The following TAB2 variants were observed in gnomAD, a reference collection of about 807,000 sequenced individuals.
The protein encoded by TAB2 is TGF-beta-activated kinase 1 and MAP3K7-binding protein 2.
TAB2 carries 3 observed loss-of-function variants against 65.0 expected under a neutral mutation model. That is an observed-to-expected ratio of 0.05 (90% confidence interval 0.02 to 0.12). The LOEUF (loss-of-function observed/expected upper bound fraction) is 0.12. TAB2 is among the 10% of genes least tolerant of loss of function. TAB2 has a pLI of 1.00. For missense variants in TAB2, 623 were observed against 840.3 expected, an observed-to-expected ratio of 0.74 and a Z score of 3.20; for synonymous variants, 298 against 285.1, an observed-to-expected ratio of 1.05 and a Z score of -0.46.
intron 1 of TAB2, among the ~76,000 whole-genome samples, chr6:149,339,770 T>C (rs1440962238): frequency 6.6e-6 from 1 of 151,988 alleles, no homozygotes; most frequent in African/African-American, 2.4e-5. Context: ...AGCTAATTTT[T>C]GTACTTTTAG....
At chr6:149,227,750 A>G (rs183733210) in intron 1 of TAB2, among the ~76,000 whole-genome samples, 2 of 152,346 alleles carry the variant, frequency 1.3e-5, no homozygotes, top group East Asian at 3.9e-4. Flanking sequence ...TTTACAAATG[A>G]AATGATTTGT....
intron 1 of TAB2, among the ~76,000 whole-genome samples, chr6:149,271,040 C>CT (rs145982019): frequency 0.15 from 22,976 of 148,594 alleles, 2,166 homozygotes; most frequent in Non-Finnish European, 0.23. Flanking sequence ...GCACCTTATT[C>CT]TTTTTTTTTT....
At position 149,376,063 on chromosome 6, in the gene TAB2, A is replaced by G. The variant is rs1206550128; in HGVS notation, c.103-1955A>G. On this transcript the variant is annotated intron_variant, in intron 2 of 6. Transcript: ENST00000637181. Reference sequence around the variant, plus strand: ...TTGGTTATTCATCTTTCTTAAGTCTAAAACTCTCCTTTCTGTCAGGTTCTT... The same window carrying G: ...TTGGTTATTCATCTTTCTTAAGTCTGAAACTCTCCTTTCTGTCAGGTTCTT... Among the ~76,000 whole-genome samples, 11 of 152,140 alleles carry G rather than the reference A, an allele frequency of 7.2e-5. No homozygotes were observed. The South Asian group carries it at 1.2e-3, about 17-fold the overall frequency.
At chr6:149,281,565 A>AAAT in intron 1 of TAB2, among the ~76,000 whole-genome samples, 1 of 150,270 alleles carries the variant, frequency 6.7e-6, no homozygotes, top group East Asian at 1.9e-4. Flanking sequence ...CAAAAAAAAA[A>AAAT]AAAAAAAAAA....
intron 1 of TAB2, among the ~76,000 whole-genome samples, chr6:149,267,073 A>G (rs1178123918): frequency 6.6e-6 from 1 of 152,166 alleles, no homozygotes; most frequent in African/African-American, 2.4e-5. Flanking sequence ...TTGGAGGGGA[A>G]TAAAAATGAA....
chr6:149,359,560 A>G (rs966148587), intron 1 of TAB2, among the ~76,000 whole-genome samples: 1 of 152,116 alleles, frequency 6.6e-6, no homozygotes, highest in African/African-American at 2.4e-5. Context: ...TTATGCAACT[A>G]TTTCATTTAA....
At chr6:149,304,689 C>G (rs1387633582) in intron 1 of TAB2, among the ~76,000 whole-genome samples, 1 of 152,168 alleles carries the variant, frequency 6.6e-6, no homozygotes, top group African/African-American at 2.4e-5. Flanking sequence ...CTATGGAAAA[C>G]AGCATAGGTA....
intron 1 of TAB2, among the ~76,000 whole-genome samples, chr6:149,358,831 T>C (rs1284122504): frequency 1.3e-5 from 2 of 152,236 alleles, no homozygotes; most frequent in South Asian, 2.1e-4. Flanking sequence ...ATTCCATTGC[T>C]TTATAAGCTC....
intron 1 of TAB2, among the ~76,000 whole-genome samples, chr6:149,328,037 G>T (rs1463683884): frequency 6.6e-6 from 1 of 152,184 alleles, no homozygotes; most frequent in Non-Finnish European, 1.5e-5. Context: ...TGCTCTTGTT[G>T]AAGGTAATTA....
intron 6 of TAB2, among the ~76,000 whole-genome samples, chr6:149,404,690 T>C (rs1370849892): frequency 6.6e-6 from 1 of 152,184 alleles, no homozygotes; most frequent in Non-Finnish European, 1.5e-5. Context: ...AAGGGTAGTC[T>C]CTTCAGTAAA....
chr6:149,400,675 A>G lies in TAB2; in HGVS notation c.1939+1491A>G, dbSNP rs768974962. ...TTTCAACAGCCTACGGGAGGTGTCT[A>G]CTGAAAAGGGAACCTGCTTCTTTAC... On this transcript the variant is annotated intron_variant, in intron 6 of 6. Transcript: ENST00000637181. 7 of 1,613,520 alleles carry G rather than the reference A, an allele frequency of 4.3e-6. No individual in the cohort carries two copies. The highest frequency in any genetic ancestry group is 1.7e-5 in the Admixed American group (1 of 59,958).
At chr6:149,289,547 C>T (rs1778737320) in intron 1 of TAB2, among the ~76,000 whole-genome samples, 1 of 152,200 alleles carries the variant, frequency 6.6e-6, no homozygotes, top group Admixed American at 6.5e-5. Flanking sequence ...CGTGGAGAAT[C>T]ACAGTCCTGC....
At chr6:149,269,160 G>A (rs1443919343) in intron 1 of TAB2, among the ~76,000 whole-genome samples, 1 of 152,124 alleles carries the variant, frequency 6.6e-6, no homozygotes, top group Non-Finnish European at 1.5e-5. Flanking sequence ...TGAGTCTGAG[G>A]CATAATACCT....
chr6:149,218,812 G>T, intron 1 of TAB2: 2 of 455,436 alleles, frequency 4.4e-6, no homozygotes, highest in Non-Finnish European at 8.8e-6. Context: ...CTGGAGAAAG[G>T]ATCTTCTGTG....
chr6:149,379,908 A>G (rs1341747770), intron 3 of TAB2: 8 of 455,860 alleles, frequency 1.8e-5, no homozygotes, highest in Admixed American at 9.4e-5. Context: ...CTTGACTAAT[A>G]TGGTAAATTT....
chr6:149,265,726 C>A (rs114993770), intron 1 of TAB2, among the ~76,000 whole-genome samples: 2 of 152,188 alleles, frequency 1.3e-5, no homozygotes, highest in African/African-American at 4.8e-5. Flanking sequence ...TCAACGCCAA[C>A]GCCCCAAGCC....
At chr6:149,274,139 C>G (rs1341609921) in intron 1 of TAB2, among the ~76,000 whole-genome samples, 1 of 152,158 alleles carries the variant, frequency 6.6e-6, no homozygotes, top group African/African-American at 2.4e-5. Flanking sequence ...GAATCTTGCC[C>G]CAGGGCCCAG....
chr6:149,402,510 A>C (rs1251040923), intron 6 of TAB2, among the ~76,000 whole-genome samples: 6 of 152,024 alleles, frequency 3.9e-5, no homozygotes, highest in Admixed American at 1.3e-4. Flanking sequence ...CAACAAAGAA[A>C]AGTCCAGAAC....
intron 1 of TAB2, among the ~76,000 whole-genome samples, chr6:149,357,015 C>T (rs1038245769): frequency 6.6e-6 from 1 of 152,156 alleles, no homozygotes; most frequent in Non-Finnish European, 1.5e-5. Flanking sequence ...ATTTCATTCA[C>T]CAGCATTATG....
Sources: allele counts gnomAD v4.1 joint callset (sites outside exome capture counted in the v4.1 genomes callset), GRCh38; gene constraint gnomAD v4.1.1; transcripts MANE v1.5; gene names NCBI Gene and HGNC (gene_info 2026-07-23, HGNC 2026-07-21).